FAAH2: variants seen among roughly 807,000 people sequenced by gnomAD.
FAAH2 encodes fatty-acid amide hydrolase 2.
FAAH2 carries 60 observed loss-of-function variants against 36.9 expected under a neutral mutation model. The ratio of observed to expected loss-of-function variants is 1.63; its 90% CI spans 1.32 to 2.02. FAAH2 has a LOEUF of 2.02. Among genes scored for constraint, FAAH2 ranks in the 30% most tolerant of loss-of-function variants. FAAH2 has a pLI of 0.00. For synonymous variants in FAAH2, 214 were observed against 143.8 expected (o/e 1.49, Z -3.49); for missense variants, 689 against 397.5 (o/e 1.73, Z -6.23).
intron 7 of FAAH2, among the ~76,000 whole-genome samples, chrX:57,381,243 A>G: frequency 9.0e-6 from 1 of 111,654 alleles, no homozygotes; most frequent in East Asian, 2.8e-4. Context: ...AAAATAAAGT[A>G]TGATAAATCA....
intron 3 of FAAH2, among the ~76,000 whole-genome samples, chrX:57,330,619 A>G (rs1471197270): frequency 3.6e-5 from 4 of 111,148 alleles, no homozygotes; most frequent in African/African-American, 1.3e-4. Flanking sequence ...CCCCTTTTGA[A>G]CGTCCCTAAT....
chrX:57,303,182 C>A (rs757034275), intron 2 of FAAH2, among the ~76,000 whole-genome samples: 1 of 111,635 alleles, frequency 9.0e-6, no homozygotes, highest in Non-Finnish European at 1.9e-5. Flanking sequence ...TTGGGAAACT[C>A]CTGGGAGACA....
the FAAH2 span, among the ~76,000 whole-genome samples, chrX:57,263,733 T>G: frequency 9.0e-6 from 1 of 111,653 alleles, no homozygotes; most frequent in African/African-American, 3.2e-5. Flanking sequence ...CTATTATACC[T>G]AAATAAATCT....
chrX:57,221,206 A>G, the FAAH2 span, among the ~76,000 whole-genome samples: 1 of 110,642 alleles, frequency 9.0e-6, no homozygotes, highest in Non-Finnish European at 1.9e-5. Flanking sequence ...AGGCAGAAAT[A>G]TCTTTCCAAA....
chrX:57,248,992 C>T, the FAAH2 span, among the ~76,000 whole-genome samples: 1 of 109,461 alleles, frequency 9.1e-6, no homozygotes, highest in Non-Finnish European at 1.9e-5. Context: ...GTATTTTGCA[C>T]TTTTATGAAA....
chrX:57,398,467 C>G (rs1440891438), intron 7 of FAAH2, among the ~76,000 whole-genome samples: 1 of 111,851 alleles, frequency 8.9e-6, no homozygotes, highest in African/African-American at 3.3e-5. Context: ...ACTTTTTCTT[C>G]TCCCTCAGGA....
chrX:57,329,764 A>G (rs1175490370), intron 3 of FAAH2, among the ~76,000 whole-genome samples: 1 of 111,029 alleles, frequency 9.0e-6, no homozygotes, highest in East Asian at 2.8e-4. Flanking sequence ...GACCCCAAAC[A>G]GAGGGACCAG....
chrX:57,446,189 A>G (rs2056670710), intron 8 of FAAH2, among the ~76,000 whole-genome samples: 2 of 112,347 alleles, frequency 1.8e-5, no homozygotes, highest in Non-Finnish European at 3.8e-5. Flanking sequence ...CTGATGGACA[A>G]TGAGGGAGGG....
chrX:57,458,809 G>A lies in FAAH2; in HGVS notation c.1423+10091G>A, dbSNP rs746002089. 2.7e-5 allele frequency among the ~76,000 whole-genome samples: 3 copies of A among 112,287 alleles called. No individual in the cohort carries two copies. The East Asian group carries it at 8.5e-4, about 32-fold the overall frequency. ...GCCCATTTACTATGCTTTCCCCACA[G>A]GTTTGCAATCCAAAGAACAGGAGAT... On this transcript the variant is annotated intron_variant, in intron 10 of 10. Transcript: ENST00000374900.
chrX:57,453,522 G>A (rs192632464), intron 10 of FAAH2, among the ~76,000 whole-genome samples: 6 of 110,952 alleles, frequency 5.4e-5, no homozygotes, highest in Admixed American at 9.5e-5. Context: ...ACCACTCATA[G>A]CCAGGCAGCT....
chrX:57,254,384 G>T, the FAAH2 span, among the ~76,000 whole-genome samples: 1 of 111,531 alleles, frequency 9.0e-6, no homozygotes, highest in African/African-American at 3.3e-5. Flanking sequence ...AAATTAACAA[G>T]AATATCCAGG....
chrX:57,326,357 G>A (rs1448209209), intron 3 of FAAH2, among the ~76,000 whole-genome samples: 224 of 114,103 alleles, frequency 2.0e-3, no homozygotes, highest in African/African-American at 4.1e-3. Flanking sequence ...TATTAGGTCC[G>A]CTTGGTGCAG....
At chrX:57,233,332 A>G in the FAAH2 span, among the ~76,000 whole-genome samples, 2 of 112,035 alleles carry the variant, frequency 1.8e-5, no homozygotes, top group Non-Finnish European at 3.8e-5. Context: ...TGCTTAAGTC[A>G]GGGATTTAAT....
chrX:57,381,196 A>G (rs1032318836), intron 7 of FAAH2, among the ~76,000 whole-genome samples, 167 bp downstream of exon 7: 8 of 111,748 alleles, frequency 7.2e-5, no homozygotes, highest in African/African-American at 2.6e-4. Context: ...TGGTTATTTT[A>G]GATATTTTAT....
chrX:57,379,319 C>T lies in FAAH2; in HGVS notation c.878+533C>T, dbSNP rs757272453. Among the ~76,000 whole-genome samples the T allele has an allele frequency of 5.4e-5, 6 of 111,325 alleles. No homozygotes were observed. In the East Asian group the frequency reaches 1.7e-3, roughly 31 times the overall value. On this transcript the variant is annotated intron_variant, in intron 6 of 10. Coordinates refer to ENST00000374900, the MANE Select transcript of FAAH2 (RefSeq NM_174912.4). The stretch of plus-strand genomic sequence containing the variant: ...ATAAAAAAATGCAATCTATATGTAA[C>T]TTACTTCAGTTTCTTACCATCACAT...
chrX:57,196,138 A>C, the FAAH2 span, among the ~76,000 whole-genome samples: 2 of 112,010 alleles, frequency 1.8e-5, no homozygotes, highest in Non-Finnish European at 3.8e-5. Context: ...TCTGTGAAGA[A>C]TGATGTTGGT....
the FAAH2 span, among the ~76,000 whole-genome samples, chrX:57,214,619 G>A: frequency 9.0e-6 from 1 of 110,707 alleles, no homozygotes; most frequent in Admixed American, 9.7e-5. Flanking sequence ...AGTAGAGACG[G>A]GATTTCGCCA....
chrX:57,413,224 TA>T (rs1207980735), intron 7 of FAAH2, among the ~76,000 whole-genome samples: 1 of 112,397 alleles, frequency 8.9e-6, no homozygotes, highest in African/African-American at 3.2e-5. Flanking sequence ...CTCTTTAGTT[TA>T]ATTAGATTCC....
At chrX:57,235,266 C>T in the FAAH2 span, among the ~76,000 whole-genome samples, 18 of 110,985 alleles carry the variant, frequency 1.6e-4, no homozygotes, top group African/African-American at 5.2e-4. Flanking sequence ...AGTGTTTGTT[C>T]AGTTGCTAGA....
Sources: allele counts gnomAD v4.1 joint callset (sites outside exome capture counted in the v4.1 genomes callset), GRCh38; gene constraint gnomAD v4.1.1; transcripts MANE v1.5; gene names NCBI Gene and HGNC (gene_info 2026-07-23, HGNC 2026-07-21).